SLC44A5: variants seen among roughly 807,000 people sequenced by gnomAD.
The protein encoded by SLC44A5 is choline transporter-like protein 5.
Under a neutral mutation model 101.8 loss-of-function variants are expected in SLC44A5, and 57 were observed. The observed-to-expected ratio is 0.56, with a 90% CI of 0.45 to 0.70. The LOEUF (loss-of-function observed/expected upper bound fraction) is 0.70. SLC44A5 is among the 30% of genes least tolerant of loss of function. The pLI is 0.00. For missense variants in SLC44A5, 737 were observed against 853.1 expected (o/e 0.86, Z 1.70); for synonymous variants, 281 against 290.9 (o/e 0.97, Z 0.35).
chr1:75,675,381 T>C, the SLC44A5 span, among the ~76,000 whole-genome samples: 2 of 152,210 alleles, frequency 1.3e-5, no homozygotes, highest in Non-Finnish European at 2.9e-5. Flanking sequence ...CAATTGTGAG[T>C]GGGAGTTTTT....
intron 2 of SLC44A5, among the ~76,000 whole-genome samples, chr1:75,435,672 A>G (rs1032237930): frequency 5.9e-5 from 9 of 152,278 alleles, no homozygotes; most frequent in African/African-American, 1.4e-4. Flanking sequence ...AAACTCACAC[A>G]TGATGTCCTT....
At chr1:75,360,804 G>A (rs1659434052) in intron 3 of SLC44A5, among the ~76,000 whole-genome samples, 1 of 152,056 alleles carries the variant, frequency 6.6e-6, no homozygotes, top group Non-Finnish European at 1.5e-5. Flanking sequence ...GGTTTATGTG[G>A]TTCCATAAAA....
chr1:75,464,798 A>G (rs78075985), intron 2 of SLC44A5, among the ~76,000 whole-genome samples: 4 of 152,300 alleles, frequency 2.6e-5, no homozygotes, highest in South Asian at 2.1e-4. Flanking sequence ...TCTCTGTATA[A>G]TGATAAAGGA....
intron 1 of SLC44A5, among the ~76,000 whole-genome samples, chr1:75,544,337 CTA>C (rs1350818321): frequency 6.6e-6 from 1 of 152,162 alleles, no homozygotes; most frequent in African/African-American, 2.4e-5. Flanking sequence ...CTATAAGCCA[CTA>C]TGTTTCTGTT....
Position 75,300,601 on chromosome 1 carries a change from T to C in SLC44A5, c.175+11A>G, listed in dbSNP as rs957496062. 5 of 1,568,494 alleles carry C rather than the reference T, an allele frequency of 3.2e-6. No homozygotes were observed. The Admixed American group carries it at 5.2e-5, about 16-fold the overall frequency. On this transcript the variant is annotated intron_variant, in intron 5 of 23. Transcript: ENST00000370859. ...AAGTGTTAAATATTTTCTATACCTG[T>C]ATTTACTCACCCACAAGTCCTAAAA...
In SLC44A5 at chr1:75,251,306, G is replaced by T. The variant is rs1235155316; in HGVS notation, c.261-12C>A. Reference sequence around the variant, plus strand: ...AAATGGTCTTGTTCCTGTTAAGAAAGAAAACATAATCTTTTTAGTGACCAT... The same window carrying T: ...AAATGGTCTTGTTCCTGTTAAGAAATAAAACATAATCTTTTTAGTGACCAT... On this transcript the variant is annotated splice_polypyrimidine_tract_variant and intron_variant, in intron 6 of 23. Transcript: ENST00000370859. The T allele has an allele frequency of 1.3e-6, 2 of 1,599,350 alleles. No individual in the cohort carries two copies. The highest frequency in any genetic ancestry group is 1.7e-5 in the Admixed American group (1 of 59,198).
the SLC44A5 span, among the ~76,000 whole-genome samples, chr1:75,666,673 C>T: frequency 6.6e-6 from 1 of 152,214 alleles, no homozygotes; most frequent in East Asian, 1.9e-4. Context: ...TGATGAACAT[C>T]GATGTGAAAA....
chr1:75,575,001 C>T (rs1239341442), intron 1 of SLC44A5, among the ~76,000 whole-genome samples: 1 of 151,950 alleles, frequency 6.6e-6, no homozygotes, highest in African/African-American at 2.4e-5. Context: ...AAATCAAGGT[C>T]CAGTGAAGAG....
chr1:75,702,478 C>G, the SLC44A5 span, among the ~76,000 whole-genome samples: 2 of 152,046 alleles, frequency 1.3e-5, no homozygotes. Flanking sequence ...GAAACTGGAT[C>G]CCTTCCTTAC....
At chr1:75,556,938 GA>G (rs1672252892) in intron 1 of SLC44A5, among the ~76,000 whole-genome samples, 1 of 152,040 alleles carries the variant, frequency 6.6e-6, no homozygotes, top group Admixed American at 6.6e-5. Flanking sequence ...CAATATATAT[GA>G]AAAAGTGAAG....
chr1:75,657,065 C>T, the SLC44A5 span, among the ~76,000 whole-genome samples: 1 of 152,204 alleles, frequency 6.6e-6, no homozygotes, highest in Non-Finnish European at 1.5e-5. Flanking sequence ...GGAAGGATCA[C>T]TTGTGTCCAG....
At chr1:75,602,757 G>T (rs1675053512) in intron 1 of SLC44A5, among the ~76,000 whole-genome samples, 1 of 152,082 alleles carries the variant, frequency 6.6e-6, no homozygotes, top group Non-Finnish European at 1.5e-5. Context: ...AGTGAAAGGT[G>T]CTGTTAATAC....
the SLC44A5 span, among the ~76,000 whole-genome samples, chr1:75,700,224 C>A: frequency 6.6e-6 from 1 of 152,196 alleles, no homozygotes; most frequent in Non-Finnish European, 1.5e-5. Flanking sequence ...CACCACACCA[C>A]ACCTATTCCA....
At chr1:75,471,621 T>C (rs1337405308) in intron 2 of SLC44A5, among the ~76,000 whole-genome samples, 2 of 152,150 alleles carry the variant, frequency 1.3e-5, no homozygotes, top group Admixed American at 6.5e-5. Flanking sequence ...TGATTTTTTT[T>C]CTATTTTTCC....
At chr1:75,284,643 GT>G (rs1652892199) in intron 5 of SLC44A5, among the ~76,000 whole-genome samples, 3 of 152,102 alleles carry the variant, frequency 2.0e-5, no homozygotes, top group African/African-American at 7.2e-5. Flanking sequence ...TTGGCTGTGC[GT>G]TTTTCATAAA....
chr1:75,272,900 T>C (rs895572461), intron 6 of SLC44A5, among the ~76,000 whole-genome samples: 1 of 152,036 alleles, frequency 6.6e-6, no homozygotes, highest in African/African-American at 2.4e-5. Flanking sequence ...AATTTTAGGA[T>C]TGTTTTTTTC....
chr1:75,547,456 G>A (rs1041164436), intron 1 of SLC44A5, among the ~76,000 whole-genome samples: 2 of 152,170 alleles, frequency 1.3e-5, no homozygotes, highest in African/African-American at 4.8e-5. Flanking sequence ...AACAGGAGAT[G>A]AAACTTAGCT....
intron 3 of SLC44A5, among the ~76,000 whole-genome samples, chr1:75,363,859 T>C (rs1267473481): frequency 6.6e-6 from 1 of 152,180 alleles, no homozygotes; most frequent in Non-Finnish European, 1.5e-5. Flanking sequence ...GAAGGCTTAG[T>C]GGTGATTAAT....
Position 75,329,973 on chromosome 1 carries a change from C to T in SLC44A5, c.101+9609G>A, listed in dbSNP as rs1038908071. 2.0e-5 allele frequency among the ~76,000 whole-genome samples: 3 copies of T among 151,876 alleles called. No individual in the cohort carries two copies. The East Asian group carries it at 5.8e-4, about 29-fold the overall frequency. ...TCAGTCACCTCAAGATCTCCTGGTTCATGTAATTTAGGTATCTAATATATG... is the reference window on the plus strand; with the variant it reads ...TCAGTCACCTCAAGATCTCCTGGTTTATGTAATTTAGGTATCTAATATATG... On this transcript the variant is annotated intron_variant, in intron 4 of 23. Transcript: ENST00000370859.
Sources: gnomAD v4.1 joint callset for allele counts (sites outside exome capture counted in the v4.1 genomes callset) on GRCh38, gnomAD v4.1.1 for gene constraint, MANE v1.5 for transcripts, NCBI Gene and HGNC (gene_info 2026-07-23, HGNC 2026-07-21) for gene names.